Variants in MAP2 observed in about 807,000 individuals in gnomAD.
The protein encoded by MAP2 is microtubule-associated protein 2.
Under a neutral mutation model 137.6 loss-of-function variants are expected in MAP2, and 14 were observed. The observed-to-expected ratio is 0.10, with a 90% CI of 0.07 to 0.16. MAP2 has a LOEUF of 0.16. Among genes scored for constraint, MAP2 ranks in the 10% least tolerant of loss-of-function variants. The pLI is 1.00. For synonymous variants in MAP2, 786 were observed against 782.3 expected (o/e 1.00, Z -0.08); for missense variants, 2,088 against 2,191.5 (o/e 0.95, Z 0.94).
chr2:209,719,672 G>A (rs1023216587), intron 13 of MAP2, among the ~76,000 whole-genome samples: 11 of 152,112 alleles, frequency 7.2e-5, no homozygotes, highest in African/African-American at 2.2e-4. Flanking sequence ...CAATTAAACC[G>A]TGGTGATAAA....
chr2:209,516,364 G>A (rs1450770264), intron 2 of MAP2, among the ~76,000 whole-genome samples: 1 of 151,938 alleles, frequency 6.6e-6, no homozygotes, highest in African/African-American at 2.4e-5. Flanking sequence ...CAAAACTATT[G>A]CCTTCTATTA....
chr2:209,518,531 G>A (rs780115461), intron 2 of MAP2, among the ~76,000 whole-genome samples: 2 of 151,948 alleles, frequency 1.3e-5, no homozygotes, highest in East Asian at 3.9e-4. Flanking sequence ...CAGAGGGTGC[G>A]GGACAGTTTT....
At chr2:209,577,431 T>C (rs937097703) in intron 2 of MAP2, among the ~76,000 whole-genome samples, 57 of 151,888 alleles carry the variant, frequency 3.8e-4, no homozygotes, top group African/African-American at 1.3e-3. Context: ...GATGAGTTAA[T>C]CCAAAAGCAT....
chr2:209,556,752 C>G (rs1232505500), intron 2 of MAP2, among the ~76,000 whole-genome samples: 2 of 150,378 alleles, frequency 1.3e-5, no homozygotes, highest in Non-Finnish European at 3.0e-5. Flanking sequence ...GACATAAAAC[C>G]ATTGTAGCTG....
chr2:209,637,199 T>A (rs2093641359), intron 4 of MAP2, among the ~76,000 whole-genome samples: 1 of 152,078 alleles, frequency 6.6e-6, no homozygotes, highest in Non-Finnish European at 1.5e-5. Context: ...TCCCATCACT[T>A]TGGGAGGCCA....
chr2:209,534,258 G>T (rs756501959), intron 2 of MAP2, among the ~76,000 whole-genome samples: 16 of 152,186 alleles, frequency 1.1e-4, no homozygotes, highest in Non-Finnish European at 2.1e-4. Flanking sequence ...ACAACAAGTT[G>T]GTTACTGTTG....
At position 209,693,187 on chromosome 2, in the gene MAP2, C is replaced by T. The variant is rs1192570469; in HGVS notation, c.1017C>T (p.Pro339=). Residue 339 remains proline, a synonymous_variant, in exon 8 of 16, where the codon CCC becomes CCT. Transcript: ENST00000682079. ...ATGAAATAGTTACAGAAACATCGCC[C>T]TTTGCCCCTGCCTTTTTACAGCCAG... ...MKNEIVTETS[P]FAPAFLQPDD... 10 of 1,612,324 alleles carry T rather than the reference C, an allele frequency of 6.2e-6. No individual in the cohort carries two copies. The African/African-American group carries it at 1.3e-4, about 22-fold the overall frequency.
intron 2 of MAP2, among the ~76,000 whole-genome samples, chr2:209,544,590 C>T (rs964092543): frequency 2.0e-5 from 3 of 152,090 alleles, no homozygotes; most frequent in South Asian, 2.1e-4. Context: ...GTCATTTTAC[C>T]GATGAAGCCG....
intron 3 of MAP2, among the ~76,000 whole-genome samples, chr2:209,590,051 C>T (rs12988159): frequency 0.068 from 10,329 of 152,054 alleles, 852 homozygotes; most frequent in South Asian, 0.23. Flanking sequence ...GGCAGACACC[C>T]ATGGGAATGG....
chr2:209,704,902 A>G (rs910506230), intron 11 of MAP2, among the ~76,000 whole-genome samples: 2 of 150,804 alleles, frequency 1.3e-5, no homozygotes, highest in African/African-American at 2.4e-5. Flanking sequence ...CTAACAAAAC[A>G]AAATATATTC....
chr2:209,461,609 CT>C (rs199902447), intron 1 of MAP2, among the ~76,000 whole-genome samples: 1,831 of 152,232 alleles, frequency 0.012, 34 homozygotes, highest in African/African-American at 0.04. Context: ...GCCACCATGT[CT>C]GGCTAATTTT....
chr2:209,499,843 A>C (rs1262362591), intron 1 of MAP2, among the ~76,000 whole-genome samples: 1 of 152,146 alleles, frequency 6.6e-6, no homozygotes, highest in Non-Finnish European at 1.5e-5. Flanking sequence ...GGATTTTGTG[A>C]GAACTCACTA....
At chr2:209,705,146 A>G (rs896806892) in intron 11 of MAP2, among the ~76,000 whole-genome samples, 1 of 152,094 alleles carries the variant, frequency 6.6e-6, no homozygotes, top group African/African-American at 2.4e-5. Context: ...ATAAAAGGAT[A>G]TAAACTATAA....
In MAP2 at chr2:209,549,117, A is replaced by C. The variant is rs187418921; in HGVS notation, c.-171-30919A>C. Among the ~76,000 whole-genome samples the C allele has an allele frequency of 6.6e-5, 10 of 152,326 alleles. No individual in the cohort carries two copies. In the East Asian group the frequency reaches 1.9e-3, roughly 29 times the overall value. ...CACATCTATATTCCAGGCAAGAAAA[A>C]ATAATTGGTAAAGGCTTTCTCCTGA... On this transcript the variant is annotated intron_variant, in intron 2 of 15. Transcript: ENST00000682079.
At position 209,712,698 on chromosome 2, in the gene MAP2, G is replaced by A. The variant is rs573775118; in HGVS notation, c.5073+2444G>A. 9.2e-5 allele frequency among the ~76,000 whole-genome samples: 14 copies of A among 152,190 alleles called. No individual in the cohort carries two copies. The East Asian group carries it at 2.5e-3, about 27-fold the overall frequency. The stretch of plus-strand genomic sequence containing the variant: ...ACACTTCAGCACTCTCCCCTTAAAA[G>A]CCTCCTTACAGTGTGTGATCTCAGA... On this transcript the variant is annotated intron_variant, in intron 13 of 15. Coordinates refer to ENST00000682079, the MANE Select transcript of MAP2 (RefSeq NM_001375505.1).
intron 1 of MAP2, among the ~76,000 whole-genome samples, chr2:209,463,031 G>A (rs969970674): frequency 2.0e-4 from 31 of 152,050 alleles, no homozygotes; most frequent in African/African-American, 6.0e-4. Flanking sequence ...ACACATGCAC[G>A]AGTAACTTGA....
At chr2:209,473,065 T>A (rs1221912806) in intron 1 of MAP2, among the ~76,000 whole-genome samples, 1 of 152,186 alleles carries the variant, frequency 6.6e-6, no homozygotes, top group Non-Finnish European at 1.5e-5. Context: ...TACTCCTTGG[T>A]GACTTCATAC....
At chr2:209,676,031 C>CA (rs1399121726) in intron 5 of MAP2, among the ~76,000 whole-genome samples, 3 of 151,470 alleles carry the variant, frequency 2.0e-5, no homozygotes, top group Admixed American at 6.6e-5. Context: ...TCTATTCTGT[C>CA]AAAAAAAATT....
At chr2:209,729,081 T>C (rs2075172048) in intron 14 of MAP2, among the ~76,000 whole-genome samples, 2 of 152,130 alleles carry the variant, frequency 1.3e-5, no homozygotes, top group Non-Finnish European at 2.9e-5. Flanking sequence ...CGTGTAGAGA[T>C]GGGGAAGACT....
Sources: gnomAD v4.1 joint callset for allele counts (sites outside exome capture counted in the v4.1 genomes callset) on GRCh38, gnomAD v4.1.1 for gene constraint, MANE v1.5 for transcripts, NCBI Gene and HGNC (gene_info 2026-07-23, HGNC 2026-07-21) for gene names.